The following FAM53B variants were observed in gnomAD, a reference collection of about 807,000 sequenced individuals.
The protein encoded by FAM53B is family with sequence similarity 53 member B.
In FAM53B, 12 loss-of-function variants were observed where a neutral mutation model predicts 32.7. The ratio of observed to expected loss-of-function variants is 0.37; its 90% CI spans 0.24 to 0.59. The LOEUF is 0.59. Among genes scored for constraint, FAM53B ranks in the 20% least tolerant of loss-of-function variants. FAM53B has a pLI of 0.72. For synonymous variants in FAM53B, 234 were observed against 228.7 expected (o/e 1.02, Z -0.21); for missense variants, 477 against 577.7 (o/e 0.83, Z 1.79).
intron 1 of FAM53B, among the ~76,000 whole-genome samples, chr10:124,743,630 C>A (rs1433653726): frequency 6.6e-6 from 1 of 152,076 alleles, no homozygotes; most frequent in Non-Finnish European, 1.5e-5. Context: ...TCCGCAGCGG[C>A]TAGTCAGGGC....
At chr10:124,699,799 G>C (rs915320352) in intron 2 of FAM53B, among the ~76,000 whole-genome samples, 1 of 152,220 alleles carries the variant, frequency 6.6e-6, no homozygotes, top group African/African-American at 2.4e-5. Context: ...CTGAACCACA[G>C]AGCTGGGGCT....
chr10:124,671,670 T>C (rs567771843), intron 4 of FAM53B, among the ~76,000 whole-genome samples: 1 of 152,332 alleles, frequency 6.6e-6, no homozygotes, highest in African/African-American at 2.4e-5. Context: ...TGATGACCTC[T>C]GGTGACACAT....
At chr10:124,663,788 G>A (rs1949648573) in intron 4 of FAM53B, among the ~76,000 whole-genome samples, 1 of 151,822 alleles carries the variant, frequency 6.6e-6, no homozygotes, top group Non-Finnish European at 1.5e-5. Flanking sequence ...TTTGTTCCAG[G>A]GCGCCTACCA....
chr10:124,676,606 G>C (rs192229768), intron 4 of FAM53B, among the ~76,000 whole-genome samples: 65 of 60,162 alleles, frequency 1.1e-3, no homozygotes, highest in Middle Eastern at 7.6e-3. Context: ...AAGATGGAAA[G>C]TGGAAGCTGG....
intron 3 of FAM53B, among the ~76,000 whole-genome samples, chr10:124,686,938 G>C (rs962628838): frequency 1.3e-4 from 20 of 152,234 alleles, no homozygotes; most frequent in Non-Finnish European, 2.9e-5. Flanking sequence ...GGTTGACAGA[G>C]TCACGTCTAA....
chr10:124,712,981 T>C (rs774223725), intron 1 of FAM53B, among the ~76,000 whole-genome samples: 1 of 152,212 alleles, frequency 6.6e-6, no homozygotes, highest in Non-Finnish European at 1.5e-5. Flanking sequence ...CTTGCCAGCA[T>C]TGTGCCCAAA....
intron 1 of FAM53B, among the ~76,000 whole-genome samples, chr10:124,732,153 G>A (rs1950147536): frequency 6.6e-6 from 1 of 152,202 alleles, no homozygotes; most frequent in African/African-American, 2.4e-5. Flanking sequence ...AGCTAAATCA[G>A]AGATGAGCAG....
chr10:124,664,720 T>G (rs1186810728), intron 4 of FAM53B, among the ~76,000 whole-genome samples: 1 of 152,202 alleles, frequency 6.6e-6, no homozygotes, highest in Non-Finnish European at 1.5e-5. Context: ...AGTCCCGTAT[T>G]CCAAAACAAT....
At chr10:124,683,582 T>C (rs1040316038) in intron 3 of FAM53B, among the ~76,000 whole-genome samples, 6 of 152,186 alleles carry the variant, frequency 3.9e-5, no homozygotes, top group South Asian at 2.1e-4. Context: ...TGTACCATCC[T>C]GGACCAGATC....
intron 3 of FAM53B, among the ~76,000 whole-genome samples, chr10:124,688,282 C>T (rs1015027695): frequency 2.6e-5 from 4 of 152,224 alleles, no homozygotes; most frequent in South Asian, 2.1e-4. Context: ...CTGAGCAGAG[C>T]GCGATGGCCC....
At position 124,682,760 on chromosome 10, in the gene FAM53B, G is replaced by C. The variant is rs1009509943; in HGVS notation, c.134-381C>G. On this transcript the variant is annotated intron_variant, in intron 3 of 4. Transcript: ENST00000337318. This position sits in a 1 kb window ranked among gnomAD's most constrained non-coding sequence, Gnocchi z 5.2. ...CCTGAACCCTGCCCCTGGCTGATGA[G>C]AGAGTCGGGACAAGACATCTGTTAA... Among the ~76,000 whole-genome samples the C allele has an allele frequency of 2.0e-5, 3 of 152,370 alleles. No individual in the cohort carries two copies. The highest frequency in any genetic ancestry group is 3.9e-4 in the East Asian group (2 of 5,190).
intron 4 of FAM53B, among the ~76,000 whole-genome samples, chr10:124,652,778 G>A (rs1017638905): frequency 1.3e-5 from 2 of 152,152 alleles, no homozygotes; most frequent in Non-Finnish European, 2.9e-5. Context: ...CAATATGGAA[G>A]GTAGCAAGAG....
intron 1 of FAM53B, 136 bp downstream of exon 1, chr10:124,743,877 G>GA (rs892270746): frequency 6.0e-4 from 88 of 145,590 alleles, no homozygotes; most frequent in Non-Finnish European, 8.7e-4. Flanking sequence ...TAGGAAAAAA[G>GA]AAAAAAAAAA....
At chr10:124,655,226 C>A (rs966243961) in intron 4 of FAM53B, among the ~76,000 whole-genome samples, 3 of 152,180 alleles carry the variant, frequency 2.0e-5, no homozygotes, top group African/African-American at 7.2e-5. Flanking sequence ...TCAGGACATT[C>A]TCATCTCCCA....
rs1190468175 is a variant in FAM53B at position 124,623,475 on chromosome 10, C to T, written c.1036G>A (p.Gly346Arg). The T allele has an allele frequency of 6.3e-7, 1 of 1,586,696 alleles. No individual in the cohort carries two copies. Residue 346 changes from glycine (G) to arginine (R), a missense_variant, in exon 5 of 5, where the codon GGG becomes AGG. This residue lies in a region of FAM53B where 165 missense variants were observed against 157.5 expected (regional missense o/e 1.05). Transcript: ENST00000337318. ...GGGGTCCCAGCGGGGGTCCTGCCCC[C>T]TGGGCCGGAGGCTGAGAGCAGGGCG... ...WTALLSASGP[G>R]GRTPAGTPVP...
intron 2 of FAM53B, among the ~76,000 whole-genome samples, chr10:124,697,304 C>A (rs1949879971): frequency 6.6e-6 from 1 of 152,122 alleles, no homozygotes; most frequent in Admixed American, 6.5e-5. Flanking sequence ...CTAAAAGGAA[C>A]CCTGAACACT....
intron 4 of FAM53B, among the ~76,000 whole-genome samples, chr10:124,626,384 TTG>T (rs1406058597): frequency 9.8e-5 from 13 of 132,362 alleles, no homozygotes; most frequent in African/African-American, 4.2e-4. Flanking sequence ...CGGTCGAAAT[TTG>T]TGCCCCCCCC....
chr10:124,717,330 C>T (rs184649571), intron 1 of FAM53B, among the ~76,000 whole-genome samples: 43 of 152,326 alleles, frequency 2.8e-4, no homozygotes, highest in Non-Finnish European at 5.6e-4. Flanking sequence ...AGTTTCCTCA[C>T]GTGTCACAGG....
At chr10:124,719,640 C>A (rs144195625) in intron 1 of FAM53B, among the ~76,000 whole-genome samples, 12 of 152,324 alleles carry the variant, frequency 7.9e-5, no homozygotes, top group Admixed American at 1.3e-4. Context: ...CTGTCACTGT[C>A]CCCCTAGTGG....
Sources: allele counts gnomAD v4.1 joint callset (sites outside exome capture counted in the v4.1 genomes callset), GRCh38; gene constraint gnomAD v4.1.1; regional missense constraint gnomAD v4.1.1; non-coding constraint Gnocchi (gnomAD v3.1); transcripts MANE v1.5; gene names NCBI Gene and HGNC (gene_info 2026-07-23, HGNC 2026-07-21).